LDLRAD3: variants seen among roughly 807,000 people sequenced by gnomAD.
The protein encoded by LDLRAD3 is low density lipoprotein receptor class A domain containing 3, also known as low-density lipoprotein receptor class A domain-containing protein 3.
A neutral mutation model predicts 29.4 loss-of-function variants in LDLRAD3; 20 were observed. The ratio of observed to expected loss-of-function variants is 0.68; its 90% CI spans 0.48 to 0.99. The LOEUF (loss-of-function observed/expected upper bound fraction) is 0.99. LDLRAD3 is among the 50% of genes least tolerant of loss of function. The pLI, the probability that LDLRAD3 is intolerant of heterozygous loss-of-function variation, is 0.00. For synonymous variants in LDLRAD3, 157 were observed against 192.7 expected (o/e 0.81, Z 1.53); for missense variants, 420 against 454.3 (o/e 0.92, Z 0.69).
At chr11:35,976,370 A>T (rs369736876) in intron 1 of LDLRAD3, among the ~76,000 whole-genome samples, 1 of 152,032 alleles carries the variant, frequency 6.6e-6, no homozygotes, top group East Asian at 1.9e-4. Context: ...GTGGGAAAGG[A>T]GGGTAGGAGG....
In LDLRAD3 at chr11:36,198,992, C is replaced by T. The variant is rs536732097; in HGVS notation, c.455-28093C>T. Among the ~76,000 whole-genome samples the T allele has an allele frequency of 1.1e-3, 164 of 152,274 alleles. 1 individual carries two copies. The highest frequency in any genetic ancestry group is 3.7e-3 in the African/African-American group (155 of 41,564). On this transcript the variant is annotated intron_variant, in intron 4 of 5. Coordinates refer to ENST00000315571, the MANE Select transcript of LDLRAD3 (RefSeq NM_174902.4). ...CTTGGCTCACTGCAAGCTCCGCCTC[C>T]GGGGTTCACCCCATTCTCCTGCCTC...
intron 4 of LDLRAD3, chr11:36,196,830 A>G (rs529294964): frequency 6.6e-6 from 1 of 152,306 alleles, no homozygotes; most frequent in African/African-American, 2.4e-5. Context: ...TTTTACCCAA[A>G]TCCCTCATGC....
At chr11:35,965,941 C>A (rs1314841420) in intron 1 of LDLRAD3, among the ~76,000 whole-genome samples, 1 of 152,220 alleles carries the variant, frequency 6.6e-6, no homozygotes, top group African/African-American at 2.4e-5. Flanking sequence ...CAGATCCTGA[C>A]TGTTATTAAC....
intron 1 of LDLRAD3, among the ~76,000 whole-genome samples, chr11:36,035,242 A>G (rs945413617): frequency 6.7e-6 from 1 of 148,998 alleles, no homozygotes; most frequent in Admixed American, 6.7e-5. Context: ...TCTCTCAGCC[A>G]TTGATCACAA....
chr11:36,113,006 C>CCTA (rs1853626199), intron 4 of LDLRAD3, among the ~76,000 whole-genome samples: 1 of 152,098 alleles, frequency 6.6e-6, no homozygotes. Context: ...TCATGGAAGA[C>CCTA]CTACATTGCA....
chr11:35,975,912 G>A (rs181991485), intron 1 of LDLRAD3, among the ~76,000 whole-genome samples: 2 of 151,542 alleles, frequency 1.3e-5, no homozygotes, highest in African/African-American at 4.9e-5. Flanking sequence ...TGGTGGTAGA[G>A]ACTTCTGAGA....
intron 1 of LDLRAD3, among the ~76,000 whole-genome samples, chr11:35,959,095 G>A (rs760305006): frequency 1.2e-4 from 19 of 152,284 alleles, no homozygotes; most frequent in Non-Finnish European, 2.4e-4. Flanking sequence ...TTTAGCACAT[G>A]ATTCTGGTCA....
intron 4 of LDLRAD3, chr11:36,110,023 G>T (rs1410846675): frequency 1.3e-5 from 2 of 152,218 alleles, no homozygotes; most frequent in Non-Finnish European, 2.9e-5. Context: ...GGCTGAGAGA[G>T]GCAAAAATGC....
At chr11:36,173,621 A>G (rs570409514) in intron 4 of LDLRAD3, among the ~76,000 whole-genome samples, 1 of 152,114 alleles carries the variant, frequency 6.6e-6, no homozygotes, top group South Asian at 2.1e-4. Context: ...AGTCTTTGCT[A>G]TTGTGAATAA....
chr11:36,052,066 A>G (rs945149014), intron 2 of LDLRAD3, among the ~76,000 whole-genome samples: 6 of 152,226 alleles, frequency 3.9e-5, no homozygotes, highest in African/African-American at 1.4e-4. Flanking sequence ...CTCATCTGTC[A>G]TAGGACTAGA....
chr11:36,053,121 T>A (rs1852552371), intron 2 of LDLRAD3, among the ~76,000 whole-genome samples: 1 of 152,190 alleles, frequency 6.6e-6, no homozygotes, highest in African/African-American at 2.4e-5. Flanking sequence ...ACAAAGCAGC[T>A]ATAAGTCTAT....
At chr11:36,126,715 C>A (rs11605367) in intron 4 of LDLRAD3, among the ~76,000 whole-genome samples, 1 of 152,054 alleles carries the variant, frequency 6.6e-6, no homozygotes, top group African/African-American at 2.4e-5. Flanking sequence ...TCTCCGGGAA[C>A]TCCAGTGTTC....
At chr11:36,090,746 C>T (rs1853268058) in intron 3 of LDLRAD3, among the ~76,000 whole-genome samples, 1 of 152,172 alleles carries the variant, frequency 6.6e-6, no homozygotes, top group South Asian at 2.1e-4. Context: ...TGCCTGCTTG[C>T]CCAGAGTGGC....
intron 4 of LDLRAD3, among the ~76,000 whole-genome samples, chr11:36,200,121 G>A (rs979559588): frequency 8.5e-5 from 13 of 152,218 alleles, no homozygotes; most frequent in African/African-American, 2.6e-4. Context: ...AGCCAAGATC[G>A]TGCCACTGCA....
intron 1 of LDLRAD3, among the ~76,000 whole-genome samples, chr11:35,956,512 A>G (rs953380686): frequency 3.3e-5 from 5 of 152,196 alleles, no homozygotes; most frequent in African/African-American, 9.7e-5. Flanking sequence ...ATACATGTGC[A>G]TATTAAAGTT....
intron 1 of LDLRAD3, among the ~76,000 whole-genome samples, chr11:35,986,429 G>A (rs1851615671): frequency 6.6e-6 from 1 of 152,194 alleles, no homozygotes; most frequent in South Asian, 2.1e-4. Flanking sequence ...AATTTAACCT[G>A]TTATTTATTG....
rs541877555 is a variant in LDLRAD3, at chr11:36,231,221, TTTTC to T, written c.*1832_*1835del. 3.3e-4 allele frequency: 50 copies of T among 152,356 alleles called. No individual in the cohort carries two copies. Among genetic ancestry groups the T allele is most frequent in the Middle Eastern group, 3.4e-3 (1 of 294 alleles). 9.4% of individuals were successfully genotyped at this position (152,356 alleles called of 1,614,324 possible). A position where few individuals can be genotyped will look rare whatever the true frequency, so the allele number is the denominator to read the frequency against. On this transcript the variant is annotated 3_prime_UTR_variant, in exon 6 of 6. Transcript: ENST00000315571. ...CATTCAGTGATCCTGTTCTGTAGACTTTTCTTTCTTTTTTTAACCAAATCCAAAG... is the reference window on the plus strand; with the variant it reads ...CATTCAGTGATCCTGTTCTGTAGACTTTTCTTTTTTTAACCAAATCCAAAG...
chr11:36,082,749 T>G (rs1280866844), intron 3 of LDLRAD3, among the ~76,000 whole-genome samples: 1 of 152,210 alleles, frequency 6.6e-6, no homozygotes, highest in Non-Finnish European at 1.5e-5. Flanking sequence ...TTGCCTTGGA[T>G]ACATGCAGAT....
At chr11:35,972,944 T>G (rs1360587046) in intron 1 of LDLRAD3, among the ~76,000 whole-genome samples, 1 of 151,324 alleles carries the variant, frequency 6.6e-6, no homozygotes, top group African/African-American at 2.4e-5. Flanking sequence ...TCCCAGCTAC[T>G]TGGGAGGCTG....
Sources: allele counts gnomAD v4.1 joint callset (sites outside exome capture counted in the v4.1 genomes callset), GRCh38; gene constraint gnomAD v4.1.1; transcripts MANE v1.5; gene names NCBI Gene and HGNC (gene_info 2026-07-23, HGNC 2026-07-21).